Variants in RBFOX1 observed in about 807,000 individuals in gnomAD.
The protein encoded by RBFOX1 is RNA binding fox-1 homolog 1.
RBFOX1 carries 8 observed loss-of-function variants against 57.7 expected under a neutral mutation model. The ratio of observed to expected loss-of-function variants is 0.14; its 90% CI spans 0.08 to 0.25. The LOEUF is 0.25. Ranked by LOEUF, RBFOX1 falls within the 10% of genes least tolerant of loss-of-function variation. The pLI is 1.00. For synonymous variants in RBFOX1, 326 were observed against 222.4 expected, an observed-to-expected ratio of 1.47 and a Z score of -4.15; for missense variants, 611 against 548.5, an observed-to-expected ratio of 1.11 and a Z score of -1.14.
intron 3 of RBFOX1, among the ~76,000 whole-genome samples, chr16:5,623,828 G>C (rs902535260): frequency 8.6e-5 from 13 of 152,038 alleles, no homozygotes; most frequent in African/African-American, 2.2e-4. Flanking sequence ...GTTTATAAAG[G>C]CTTTTGGAAA....
intron 4 of RBFOX1, among the ~76,000 whole-genome samples, chr16:7,465,990 C>G (rs902569244): frequency 3.3e-5 from 5 of 152,306 alleles, no homozygotes; most frequent in African/African-American, 1.2e-4. Context: ...TAACAGATCT[C>G]ATCGTTCCAG....
At chr16:5,827,257 G>A (rs865907422) in intron 3 of RBFOX1, among the ~76,000 whole-genome samples, 11 of 151,846 alleles carry the variant, frequency 7.2e-5, no homozygotes, top group Admixed American at 5.3e-4. Context: ...AAAATTAGCC[G>A]GGTGTGGTGG....
chr16:6,830,544 C>G (rs1375442614), intron 3 of RBFOX1, among the ~76,000 whole-genome samples: 4 of 152,118 alleles, frequency 2.6e-5, no homozygotes, highest in African/African-American at 9.7e-5. Context: ...CTGGCAATAT[C>G]TGGAGGCATT....
At chr16:7,275,002 T>C (rs182042878) in intron 4 of RBFOX1, among the ~76,000 whole-genome samples, 4 of 152,254 alleles carry the variant, frequency 2.6e-5, no homozygotes, top group Admixed American at 2.6e-4. Flanking sequence ...TAGCTTCTAA[T>C]TGACCTCATG....
intron 3 of RBFOX1, among the ~76,000 whole-genome samples, chr16:7,004,270 AT>A (rs1419537634): frequency 6.6e-6 from 1 of 152,192 alleles, no homozygotes; most frequent in Non-Finnish European, 1.5e-5. Flanking sequence ...AGAACAACGC[AT>A]TATATATTAA....
chr16:5,918,519 T>C (rs796109822), intron 4 of RBFOX1, among the ~76,000 whole-genome samples: 1 of 152,294 alleles, frequency 6.6e-6, no homozygotes, highest in African/African-American at 2.4e-5. Flanking sequence ...TGACAGATAG[T>C]AAGGGTTAAT....
At chr16:5,705,423 A>C (rs1285691946) in intron 3 of RBFOX1, among the ~76,000 whole-genome samples, 2 of 152,104 alleles carry the variant, frequency 1.3e-5, no homozygotes, top group African/African-American at 4.8e-5. Context: ...CACCATGTAC[A>C]GATAATTTTT....
intron 4 of RBFOX1, among the ~76,000 whole-genome samples, chr16:7,407,384 G>A (rs1423297658): frequency 3.3e-5 from 5 of 150,328 alleles, no homozygotes; most frequent in Admixed American, 3.3e-4. Flanking sequence ...GTGTGTGTGT[G>A]TGTGTGTGTG....
At chr16:6,362,469 T>C (rs1023546003) in intron 2 of RBFOX1, among the ~76,000 whole-genome samples, 5 of 152,182 alleles carry the variant, frequency 3.3e-5, no homozygotes, top group Non-Finnish European at 7.3e-5. Flanking sequence ...ATTTGTCCAA[T>C]ATGAGGCCAC....
At chr16:6,527,872 C>A (rs539024385) in intron 2 of RBFOX1, among the ~76,000 whole-genome samples, 1 of 152,268 alleles carries the variant, frequency 6.6e-6, no homozygotes, top group South Asian at 2.1e-4. Flanking sequence ...ATGCACAATT[C>A]AAAAGAGTGA....
At chr16:6,823,332 C>A (rs994295863) in intron 3 of RBFOX1, among the ~76,000 whole-genome samples, 5 of 151,976 alleles carry the variant, frequency 3.3e-5, no homozygotes, top group Non-Finnish European at 7.4e-5. Flanking sequence ...TCTTGACTCA[C>A]TGCAACCTCC....
chr16:6,957,560 C>T (rs994911989), intron 3 of RBFOX1, among the ~76,000 whole-genome samples: 8 of 152,108 alleles, frequency 5.3e-5, no homozygotes, highest in African/African-American at 1.9e-4. Flanking sequence ...AGGTGACTCT[C>T]ATCACCATCT....
At chr16:7,179,974 C>G (rs1046478371) in intron 4 of RBFOX1, among the ~76,000 whole-genome samples, 16 of 152,000 alleles carry the variant, frequency 1.1e-4, no homozygotes, top group Admixed American at 5.9e-4. Flanking sequence ...AACTCCTGAC[C>G]TCAAGTGATC....
chr16:7,115,386 G>T (rs899202890), intron 4 of RBFOX1, among the ~76,000 whole-genome samples: 1 of 152,180 alleles, frequency 6.6e-6, no homozygotes, highest in Non-Finnish European at 1.5e-5. Flanking sequence ...TATTCTAATG[G>T]AAAACAGAAA....
chr16:6,048,003 G>C (rs1032551086), intron 1 of RBFOX1, among the ~76,000 whole-genome samples: 1 of 152,166 alleles, frequency 6.6e-6, no homozygotes, highest in Non-Finnish European at 1.5e-5. Flanking sequence ...TTATTAAAAA[G>C]AGAGAAGGAA....
intron 1 of RBFOX1, among the ~76,000 whole-genome samples, chr16:5,396,642 G>A (rs977054554): frequency 6.6e-6 from 1 of 151,966 alleles, no homozygotes; most frequent in Admixed American, 6.6e-5. Context: ...ACTCTGTCTC[G>A]AAGAAAAAGA....
chr16:7,131,324 C>A (rs922949624), intron 4 of RBFOX1, among the ~76,000 whole-genome samples: 1 of 126,802 alleles, frequency 7.9e-6, no homozygotes, highest in African/African-American at 3.1e-5. Context: ...GCAGCGTGGG[C>A]ATTGCAGCGA....
chr16:5,271,433 G>C (rs532920619), intron 1 of RBFOX1, among the ~76,000 whole-genome samples: 1 of 152,218 alleles, frequency 6.6e-6, no homozygotes, highest in East Asian at 1.9e-4. Flanking sequence ...CAGTAGGGCT[G>C]GGTATCCCCT....
intron 3 of RBFOX1, among the ~76,000 whole-genome samples, chr16:6,835,150 C>T (rs1174870790): frequency 6.6e-6 from 1 of 152,044 alleles, no homozygotes; most frequent in South Asian, 2.1e-4. Flanking sequence ...ATCTGCCCAC[C>T]TCGGCCTCCC....
Sources: gnomAD v4.1 joint callset for allele counts (sites outside exome capture counted in the v4.1 genomes callset) on GRCh38, gnomAD v4.1.1 for gene constraint, MANE v1.5 for transcripts, NCBI Gene and HGNC (gene_info 2026-07-23, HGNC 2026-07-21) for gene names.